TFCP2: variants seen among roughly 807,000 people sequenced by gnomAD.
TFCP2 encodes transcription factor CP2.
In TFCP2, 33 loss-of-function variants were observed where a neutral mutation model predicts 73.4. The ratio of observed to expected loss-of-function variants is 0.45; its 90% CI spans 0.34 to 0.60. The LOEUF (loss-of-function observed/expected upper bound fraction) is 0.60, where lower values mean the gene tolerates loss of function less well. Ranked by LOEUF, TFCP2 falls within the 20% of genes least tolerant of loss-of-function variation. TFCP2 has a pLI of 0.01. For synonymous variants in TFCP2, 193 were observed against 211.6 expected (o/e 0.91, Z 0.76); for missense variants, 352 against 604.0 (o/e 0.58, Z 4.37).
chr12:51,171,635 C>T (rs1941864791), intron 1 of TFCP2, among the ~76,000 whole-genome samples: 1 of 152,146 alleles, frequency 6.6e-6, no homozygotes, highest in Non-Finnish European at 1.5e-5. Flanking sequence ...GCCTCAGCCT[C>T]CCAAAGCGCT....
chr12:51,141,905 C>CAAAAAAAAA, intron 1 of TFCP2, among the ~76,000 whole-genome samples: 1 of 63,506 alleles, frequency 1.6e-5, no homozygotes, highest in Non-Finnish European at 2.9e-5. Flanking sequence ...GACTCTGTCT[C>CAAAAAAAAA]AAAAAAAAAA....
rs771702164 is a variant in TFCP2, at chr12:51,117,681, T to G, written c.341A>C (p.Lys114Thr). ...ATTTATTCGTTTTACCTTCACCAAT[T>G]TGCCATTAATTTCTGGAAGTTCTCC... ...KLGELPEING[K>T]LVKSIFRVVF... is the part of the protein sequence containing the mutation. Residue 114 changes from lysine (K) to threonine (T), a missense_variant, in exon 3 of 15, where the codon AAA (lysine) becomes ACA (threonine). Lys to Thr is a moderately conservative substitution (Grantham distance 78). Around this residue, in one of 6 missense-constraint regions of TFCP2, gnomAD observed 76 missense variants for 163.2 expected, o/e 0.47. Transcript: ENST00000257915. 6.2e-7 allele frequency: 1 copy of G among 1,611,900 alleles called. No homozygotes were observed. Among genetic ancestry groups the G allele is most frequent in the Non-Finnish European group, 8.5e-7 (1 of 1,178,444 alleles).
intron 13 of TFCP2, among the ~76,000 whole-genome samples, 173 bp from the exon 14 acceptor site, chr12:51,096,213 A>T (rs112429851): frequency 1.3e-5 from 2 of 152,036 alleles, no homozygotes; most frequent in Non-Finnish European, 2.9e-5. Context: ...CTCCCCTCCC[A>T]TTTGGTTTTT....
chr12:51,163,415 C>T (rs567516407), intron 1 of TFCP2, among the ~76,000 whole-genome samples: 4 of 152,234 alleles, frequency 2.6e-5, no homozygotes, highest in Admixed American at 2.6e-4. Flanking sequence ...TGTGGCAAAA[C>T]CCTGTCTCTA....
intron 1 of TFCP2, among the ~76,000 whole-genome samples, chr12:51,128,128 A>G (rs958562481): frequency 1.3e-5 from 2 of 152,216 alleles, no homozygotes; most frequent in Admixed American, 1.3e-4. Context: ...CATGTTGGCC[A>G]GGCTGGTCTC....
chr12:51,131,106 G>C (rs1208690291), intron 1 of TFCP2, among the ~76,000 whole-genome samples: 1 of 151,340 alleles, frequency 6.6e-6, no homozygotes, highest in African/African-American at 2.4e-5. Context: ...GAGGCGGGCG[G>C]ATCACGGGGT....
intron 1 of TFCP2, among the ~76,000 whole-genome samples, chr12:51,142,977 C>G (rs190206242): frequency 9.5e-4 from 144 of 152,150 alleles, no homozygotes; most frequent in Non-Finnish European, 1.6e-3. Flanking sequence ...ATTTACCACT[C>G]TCTTCTCTGG....
intron 1 of TFCP2, among the ~76,000 whole-genome samples, chr12:51,141,289 T>C (rs1164021294): frequency 9.9e-5 from 15 of 151,984 alleles, no homozygotes; most frequent in Non-Finnish European, 5.9e-5. Flanking sequence ...GCTAAATAAA[T>C]TTCCAGATTT....
intron 1 of TFCP2, among the ~76,000 whole-genome samples, chr12:51,153,115 T>G (rs772997465): frequency 6.6e-6 from 1 of 152,234 alleles, no homozygotes; most frequent in Non-Finnish European, 1.5e-5. Context: ...CAGCAGCTCA[T>G]GTTTGTAATT....
At chr12:51,147,857 CCA>C (rs1190061800) in intron 1 of TFCP2, among the ~76,000 whole-genome samples, 2 of 151,976 alleles carry the variant, frequency 1.3e-5, no homozygotes, top group Admixed American at 6.6e-5. Context: ...AAGAGACAAC[CCA>C]CAGAGTGGGA....
chr12:51,103,605 A>G, intron 10 of TFCP2, 65 bp downstream of exon 10: 1 of 1,225,184 alleles, frequency 8.2e-7, no homozygotes, highest in Non-Finnish European at 1.2e-6. Flanking sequence ...CATGGATACC[A>G]GGAGGCCCTA....
intron 1 of TFCP2, among the ~76,000 whole-genome samples, chr12:51,144,935 C>T (rs991403132): frequency 5.3e-5 from 8 of 152,122 alleles, no homozygotes; most frequent in South Asian, 2.1e-4. Context: ...CAGTGGCTCA[C>T]GCCTATAATA....
At chr12:51,122,253 CTTT>C (rs11347975) in intron 1 of TFCP2, among the ~76,000 whole-genome samples, 3 of 73,180 alleles carry the variant, frequency 4.1e-5, no homozygotes, top group African/African-American at 1.1e-4. Context: ...TTTTTCTTTT[CTTT>C]TTTTTTTTTT....
At chr12:51,154,795 A>G (rs1156430169) in intron 1 of TFCP2, among the ~76,000 whole-genome samples, 1 of 152,184 alleles carries the variant, frequency 6.6e-6, no homozygotes, top group Non-Finnish European at 1.5e-5. Flanking sequence ...TGGGTAACTG[A>G]TATCTCAGAA....
chr12:51,124,783 G>A, intron 1 of TFCP2: 1 of 820,426 alleles, frequency 1.2e-6, no homozygotes, highest in South Asian at 1.3e-5. Flanking sequence ...TTTTTCTGCT[G>A]CTCAGCCTTT....
chr12:51,149,401 T>C lies in TFCP2; in HGVS notation c.122+22900A>G, dbSNP rs188377167. Among the ~76,000 whole-genome samples the C allele has an allele frequency of 3.1e-3, 466 of 151,936 alleles. 2 individuals carry two copies. Among genetic ancestry groups the C allele is most frequent in the African/African-American group, 0.011 (438 of 41,416 alleles). ...TATTAATGTAACCAAACACTACCTG[T>C]TCCCCAAAAACCTTAAAAAAAAAAG... On this transcript the variant is annotated intron_variant, in intron 1 of 14. Coordinates refer to ENST00000257915, the MANE Select transcript of TFCP2 (RefSeq NM_005653.5).
chr12:51,149,599 A>T (rs1941378182), intron 1 of TFCP2, among the ~76,000 whole-genome samples: 1 of 151,900 alleles, frequency 6.6e-6, no homozygotes. Context: ...TTTTTTCTTA[A>T]TTTTTTTTCT....
chr12:51,098,495 G>A (rs866319204), intron 13 of TFCP2, among the ~76,000 whole-genome samples: 4 of 151,894 alleles, frequency 2.6e-5, no homozygotes, highest in Non-Finnish European at 4.4e-5. Flanking sequence ...GCGTGGTGGC[G>A]CACGCCTGTA....
At chr12:51,103,832 G>T in intron 9 of TFCP2, 69 bp from the exon 10 acceptor site, 1 of 1,231,146 alleles carries the variant, frequency 8.1e-7, no homozygotes, top group Non-Finnish European at 1.2e-6. Flanking sequence ...GTAACACATA[G>T]CCAAACACCC....
Sources: gnomAD v4.1 joint callset for allele counts (sites outside exome capture counted in the v4.1 genomes callset) on GRCh38, gnomAD v4.1.1 for gene constraint, gnomAD v4.1.1 regional missense constraint, MANE v1.5 for transcripts, NCBI Gene and HGNC (gene_info 2026-07-23, HGNC 2026-07-21) for gene names.